The following GPHN variants were observed in gnomAD, a reference collection of about 807,000 sequenced individuals.
The protein encoded by GPHN is gephyrin.
In GPHN, 17 loss-of-function variants were observed where a neutral mutation model predicts 95.5. The observed-to-expected ratio is 0.18, with a 90% CI of 0.12 to 0.27. The LOEUF is 0.27. Ranked by LOEUF, GPHN falls within the 10% of genes least tolerant of loss-of-function variation. The pLI is 1.00. For missense variants in GPHN, 660 were observed against 978.1 expected (o/e 0.67, Z 4.34); for synonymous variants, 320 against 322.5 (o/e 0.99, Z 0.08).
chr14:67,367,052 C>T, the GPHN span, among the ~76,000 whole-genome samples: 1 of 152,146 alleles, frequency 6.6e-6, no homozygotes, highest in East Asian at 1.9e-4. Flanking sequence ...GGGAGATCCC[C>T]TAAGTCTATA....
intron 2 of GPHN, among the ~76,000 whole-genome samples, chr14:66,774,072 C>T (rs2059287789): frequency 7.5e-6 from 1 of 133,490 alleles, no homozygotes; most frequent in Non-Finnish European, 1.5e-5. Flanking sequence ...GGCTCAATCT[C>T]GGCTCACTGC....
the GPHN span, among the ~76,000 whole-genome samples, chr14:67,721,818 G>A: frequency 1.3e-5 from 2 of 151,266 alleles, no homozygotes; most frequent in African/African-American, 4.9e-5. Context: ...CATACCCATT[G>A]TACAAGTGAG....
the GPHN span, chr14:67,578,072 AC>A: frequency 6.2e-7 from 1 of 1,613,766 alleles, no homozygotes; most frequent in East Asian, 2.2e-5. This position sits in a 1 kb window ranked among gnomAD's most constrained non-coding sequence, Gnocchi z 5.0. Context: ...TCGGTGGACT[AC>A]CATGTGTCCC....
chr14:67,702,983 T>TAAAA, the GPHN span, among the ~76,000 whole-genome samples: 1 of 147,240 alleles, frequency 6.8e-6, no homozygotes, highest in African/African-American at 2.6e-5. Context: ...CCAGCTAACT[T>TAAAA]AAAAAAGTTT....
At chr14:67,528,201 T>A in the GPHN span, among the ~76,000 whole-genome samples, 1 of 152,342 alleles carries the variant, frequency 6.6e-6, no homozygotes, top group Admixed American at 6.5e-5. Context: ...CAGCATCTAC[T>A]GAGTACTTAC....
At chr14:67,384,365 TTG>T in the GPHN span, 9 of 143,732 alleles carry the variant, frequency 6.3e-5, no homozygotes, top group African/African-American at 2.5e-4. Context: ...ACACTTACTG[TTG>T]TTTTTTTTTT....
chr14:67,581,274 G>GCACACACA, the GPHN span, among the ~76,000 whole-genome samples: 3 of 147,998 alleles, frequency 2.0e-5, no homozygotes, highest in African/African-American at 7.5e-5. Flanking sequence ...GTGTGTATAT[G>GCACACACA]CACACACACA....
intron 4 of GPHN, among the ~76,000 whole-genome samples, chr14:66,855,336 A>T (rs552206325): frequency 6.6e-6 from 1 of 152,270 alleles, no homozygotes; most frequent in African/African-American, 2.4e-5. Flanking sequence ...CTATCTTTAT[A>T]AATTTTCCTA....
At chr14:67,697,709 C>T in the GPHN span, among the ~76,000 whole-genome samples, 1 of 148,692 alleles carries the variant, frequency 6.7e-6, no homozygotes, top group African/African-American at 2.4e-5. Context: ...GCCCTATATG[C>T]AAAGTGGCCC....
At chr14:67,625,536 C>T in the GPHN span, among the ~76,000 whole-genome samples, 35 of 151,780 alleles carry the variant, frequency 2.3e-4, no homozygotes, top group East Asian at 1.6e-3. Context: ...AAAAATTAGC[C>T]GGGCATGGTG....
the GPHN span, among the ~76,000 whole-genome samples, chr14:67,250,553 T>G: frequency 1.3e-5 from 2 of 152,202 alleles, no homozygotes; most frequent in Non-Finnish European, 2.9e-5. Flanking sequence ...ACAGATTGTT[T>G]TGTGATTCTG....
chr14:66,566,004 A>T (rs1265073279), intron 1 of GPHN, among the ~76,000 whole-genome samples: 1 of 151,112 alleles, frequency 6.6e-6, no homozygotes, highest in Admixed American at 6.6e-5. Flanking sequence ...TCATTTTAAG[A>T]TCTTCTGTTT....
chr14:67,225,292 A>G, the GPHN span: 1 of 1,425,154 alleles, frequency 7.0e-7, no homozygotes, highest in Non-Finnish European at 9.2e-7. Context: ...AAGTCTCTAT[A>G]GGAATACATG....
chr14:66,828,609 G>C (rs1331011023), intron 4 of GPHN, among the ~76,000 whole-genome samples: 1 of 151,908 alleles, frequency 6.6e-6, no homozygotes, highest in East Asian at 1.9e-4. Context: ...TCAGTAATTA[G>C]CTTAATCTGT....
chr14:66,671,044 G>C (rs1489573607), intron 1 of GPHN, among the ~76,000 whole-genome samples: 1 of 152,154 alleles, frequency 6.6e-6, no homozygotes, highest in Non-Finnish European at 1.5e-5. Context: ...AGGGTTTATA[G>C]TTTGTGTTCC....
the GPHN span, chr14:67,316,798 ATATTT>A: frequency 6.4e-7 from 1 of 1,566,642 alleles, no homozygotes; most frequent in Non-Finnish European, 8.7e-7. Flanking sequence ...TTTATCTTAA[ATATTT>A]TACCCTTCTT....
At chr14:66,625,961 T>C (rs189078368) in intron 1 of GPHN, among the ~76,000 whole-genome samples, 2 of 152,332 alleles carry the variant, frequency 1.3e-5, no homozygotes, top group Admixed American at 6.5e-5. Flanking sequence ...GAGGTACTCA[T>C]AAATGTCACT....
the GPHN span, among the ~76,000 whole-genome samples, chr14:67,456,848 A>C: frequency 6.6e-6 from 1 of 152,240 alleles, no homozygotes; most frequent in Non-Finnish European, 1.5e-5. Context: ...TTACAGCACT[A>C]TTCACAATAG....
At chr14:67,010,385 C>A (rs2072908119) in intron 9 of GPHN, among the ~76,000 whole-genome samples, 1 of 151,152 alleles carries the variant, frequency 6.6e-6, no homozygotes, top group South Asian at 2.1e-4. Context: ...CCTGTCTCTA[C>A]TAAAAAAATA....
Sources: allele counts gnomAD v4.1 joint callset (sites outside exome capture counted in the v4.1 genomes callset), GRCh38; gene constraint gnomAD v4.1.1; non-coding constraint Gnocchi (gnomAD v3.1); transcripts MANE v1.5; gene names NCBI Gene and HGNC (gene_info 2026-07-23, HGNC 2026-07-21).